The following PIK3C3 variants were observed in gnomAD, a reference collection of about 807,000 sequenced individuals.
PIK3C3 encodes the protein phosphatidylinositol 3-kinase catalytic subunit type 3, also known as PI3-kinase type 3.
PIK3C3 carries 95 observed loss-of-function variants against 126.1 expected under a neutral mutation model. The ratio of observed to expected loss-of-function variants is 0.75; its 90% CI spans 0.64 to 0.89. The LOEUF (loss-of-function observed/expected upper bound fraction) is 0.89, where lower values mean the gene tolerates loss of function less well. Ranked by LOEUF, PIK3C3 falls within the 40% of genes least tolerant of loss-of-function variation. The pLI, the probability that PIK3C3 is intolerant of heterozygous loss-of-function variation, is 0.00. For missense variants in PIK3C3, 829 were observed against 1,063.2 expected (o/e 0.78, Z 3.06); for synonymous variants, 374 against 360.0 (o/e 1.04, Z -0.44).
chr18:41,962,500 G>A lies in PIK3C3; in HGVS notation c.269G>A (p.Trp90Ter). ...AFSTRWNWNE[W>*]LKLPVKYPDL... is the part of the protein sequence containing the mutation. The stretch of plus-strand genomic sequence containing the variant: ...CTTCATTTCCATAGCTGGAATGAAT[G>A]GCTGAAACTACCAGTAAAATACCCT... Residue 90 changes from tryptophan (W) to a stop codon, truncating the protein, a stop_gained, in exon 3 of 25, where the codon TGG becomes TAG. Coordinates refer to ENST00000262039, the MANE Select transcript of PIK3C3 (RefSeq NM_002647.4). LOFTEE classifies it high-confidence loss of function. 1 of 1,608,466 alleles carries A rather than the reference G, an allele frequency of 6.2e-7. No individual in the cohort carries two copies. Among genetic ancestry groups the A allele is most frequent in the Non-Finnish European group, 8.5e-7 (1 of 1,176,644 alleles).
chr18:42,053,479 G>A (rs1984896320), intron 21 of PIK3C3, among the ~76,000 whole-genome samples: 1 of 152,008 alleles, frequency 6.6e-6, no homozygotes, highest in African/African-American at 2.4e-5. Flanking sequence ...ACAAGTTTGG[G>A]GTGAATGATA....
At chr18:42,023,526 G>A (rs1210923613) in intron 13 of PIK3C3, among the ~76,000 whole-genome samples, 1 of 152,162 alleles carries the variant, frequency 6.6e-6, no homozygotes, top group African/African-American at 2.4e-5. Flanking sequence ...TGAATCAATA[G>A]CATATGCTGT....
intron 13 of PIK3C3, among the ~76,000 whole-genome samples, chr18:42,025,129 A>G (rs1983508121): frequency 6.6e-6 from 1 of 152,174 alleles, no homozygotes; most frequent in African/African-American, 2.4e-5. Flanking sequence ...ATTTTCAATA[A>G]CAGGAAATGG....
At position 42,038,840 on chromosome 18, in the gene PIK3C3, T is replaced by C; in HGVS notation, c.2028T>C (p.Ser676=). 2 of 1,587,608 alleles carry C rather than the reference T, an allele frequency of 1.3e-6. No individual in the cohort carries two copies. The highest frequency in any genetic ancestry group is 8.6e-7 in the Non-Finnish European group (1 of 1,157,672). ...KLTPYKVLAT[S]TKHGFMQFIQ... ...CACCTTATAAGGTGTTAGCCACCAG[T>C]ACAAAACATGGTAAGTGTATTTTAC... The change falls in exon 18 of 25, where the codon AGT becomes AGC. Residue 676 remains serine, a synonymous_variant. Transcript: ENST00000262039.
chr18:42,071,050 T>A (rs7241401), intron 24 of PIK3C3, among the ~76,000 whole-genome samples: 25,158 of 152,178 alleles, frequency 0.17, 2,308 homozygotes, highest in East Asian at 0.26. Flanking sequence ...AACATTACTT[T>A]AGCCTTGGTT....
At chr18:42,026,100 T>TA (rs1983554860) in intron 13 of PIK3C3, 1 of 152,184 alleles carries the variant, frequency 6.6e-6, no homozygotes, top group Admixed American at 6.5e-5. Flanking sequence ...GTTTTAAAGA[T>TA]AAAACAGTGT....
chr18:42,056,080 A>AT (rs773488266), intron 21 of PIK3C3, among the ~76,000 whole-genome samples: 1 of 151,856 alleles, frequency 6.6e-6, no homozygotes. Context: ...CTTCTTAAAC[A>AT]TTTTTTTTAA....
intron 22 of PIK3C3, among the ~76,000 whole-genome samples, chr18:42,058,796 A>T (rs1315512924): frequency 6.6e-6 from 1 of 152,236 alleles, no homozygotes; most frequent in Non-Finnish European, 1.5e-5. Flanking sequence ...TCTGATGATT[A>T]TTAGTCAAAA....
At position 42,079,339 on chromosome 18, in the gene PIK3C3, A is replaced by T. The variant is rs184247035; in HGVS notation, c.2650-1784A>T. The stretch of plus-strand genomic sequence containing the variant: ...AGTAGTCAGAACACATGTAATATTT[A>T]TCAATTAAGTTTGCCATCTTATGCA... On this transcript the variant is annotated intron_variant, in intron 24 of 24. Transcript: ENST00000262039. Among the ~76,000 whole-genome samples the T allele has an allele frequency of 2.6e-3, 391 of 152,336 alleles. 2 individuals are homozygous for T. Among genetic ancestry groups the T allele is most frequent in the African/African-American group, 9.1e-3 (378 of 41,570 alleles).
At chr18:41,980,920 A>G (rs1981167559) in intron 4 of PIK3C3, among the ~76,000 whole-genome samples, 1 of 152,098 alleles carries the variant, frequency 6.6e-6, no homozygotes, top group Non-Finnish European at 1.5e-5. Context: ...AGAGTCTTAT[A>G]TTTTTTTCTT....
intron 9 of PIK3C3, among the ~76,000 whole-genome samples, chr18:42,000,730 C>T (rs974604235): frequency 2.0e-4 from 30 of 152,096 alleles, no homozygotes; most frequent in Admixed American, 1.6e-3. Context: ...TCATGTCTTA[C>T]GTGGATGGCA....
At chr18:42,069,926 C>T (rs545787847) in intron 24 of PIK3C3, among the ~76,000 whole-genome samples, 1 of 152,274 alleles carries the variant, frequency 6.6e-6, no homozygotes, top group East Asian at 1.9e-4. Flanking sequence ...TAGGATGCTT[C>T]AGTCAGGAAT....
intron 4 of PIK3C3, among the ~76,000 whole-genome samples, chr18:41,984,098 G>T (rs1157947537): frequency 6.6e-6 from 1 of 151,678 alleles, no homozygotes; most frequent in Admixed American, 6.6e-5. Context: ...CCTAGAATGG[G>T]CATCCTAGTG....
intron 20 of PIK3C3, 66 bp from the exon 21 acceptor site, chr18:42,049,465 T>C (rs905626501): frequency 1.5e-5 from 18 of 1,177,906 alleles, no homozygotes; most frequent in African/African-American, 7.6e-5. Context: ...ACTGCTTTTA[T>C]ATTCAGTAGA....
At chr18:42,049,905 G>A (rs1984723989) in intron 21 of PIK3C3, 1 of 195,018 alleles carries the variant, frequency 5.1e-6, no homozygotes, top group Non-Finnish European at 1.1e-5. Context: ...CCCGGGAGGC[G>A]GAGGTTGCAG....
intron 10 of PIK3C3, among the ~76,000 whole-genome samples, chr18:42,006,541 A>C (rs573293696): frequency 6.6e-6 from 1 of 152,200 alleles, no homozygotes; most frequent in South Asian, 2.1e-4. Flanking sequence ...CCCCATCTTT[A>C]GGGGCTTTCC....
In PIK3C3 at chr18:42,076,220, A is replaced by ATG. The variant is rs200943881; in HGVS notation, c.2650-4902_2650-4901dup. Among the ~76,000 whole-genome samples the ATG allele has an allele frequency of 1.8e-4, 27 of 147,246 alleles. No individual in the cohort carries two copies. The East Asian group carries it at 2.2e-3, about 12-fold the overall frequency. ...CACATATATATATGCACATATATATATGCATATATATATTACATATTCATA... is the reference window on the plus strand; with the variant it reads ...CACATATATATATGCACATATATATATGTGCATATATATATTACATATTCATA... On this transcript the variant is annotated intron_variant, in intron 24 of 24. Coordinates refer to ENST00000262039, the MANE Select transcript of PIK3C3 (RefSeq NM_002647.4).
intron 7 of PIK3C3, among the ~76,000 whole-genome samples, chr18:41,994,237 G>A (rs1480723947): frequency 6.6e-6 from 1 of 152,142 alleles, no homozygotes; most frequent in Non-Finnish European, 1.5e-5. Context: ...GCCACTTGCG[G>A]ATCTGGTAGG....
chr18:41,982,280 A>G (rs1981244650), intron 4 of PIK3C3, among the ~76,000 whole-genome samples: 1 of 152,164 alleles, frequency 6.6e-6, no homozygotes, highest in Non-Finnish European at 1.5e-5. Flanking sequence ...TACTGGAAAA[A>G]CAGTCTTTTG....
Sources: gnomAD v4.1 joint callset for allele counts (sites outside exome capture counted in the v4.1 genomes callset) on GRCh38, gnomAD v4.1.1 for gene constraint, MANE v1.5 for transcripts, NCBI Gene and HGNC (gene_info 2026-07-23, HGNC 2026-07-21) for gene names.